The following SETBP1 variants were observed in gnomAD, a reference collection of about 807,000 sequenced individuals.
SETBP1 encodes SET binding protein 1, also known as SET-binding protein.
In SETBP1, 9 loss-of-function variants were observed where a neutral mutation model predicts 101.0. The observed-to-expected ratio is 0.09, with a 90% CI of 0.05 to 0.16. The LOEUF is 0.16. Ranked by LOEUF, SETBP1 falls within the 10% of genes least tolerant of loss-of-function variation. SETBP1 has a pLI of 1.00. For missense variants in SETBP1, 1,858 were observed against 2,033.8 expected (o/e 0.91, Z 1.66); for synonymous variants, 818 against 788.5 (o/e 1.04, Z -0.63).
At chr18:44,798,989 T>G (rs1424187060) in intron 2 of SETBP1, among the ~76,000 whole-genome samples, 3 of 152,216 alleles carry the variant, frequency 2.0e-5, no homozygotes, top group African/African-American at 7.2e-5. Flanking sequence ...TTCCATCCTT[T>G]GGTTCCTCAG....
rs1469002260 is a variant in SETBP1 at position 45,019,800 on chromosome 18, T to A, written c.4001-18685T>A. Among the ~76,000 whole-genome samples the A allele has an allele frequency of 2.6e-5, 4 of 152,192 alleles. No individual in the cohort carries two copies. The East Asian group carries it at 5.8e-4, about 22-fold the overall frequency. The stretch of plus-strand genomic sequence containing the variant: ...CCATTTGTTGACAAGAATTTTTTTT[T>A]ATACCTTTACCTAAAGGACATGCAT... On this transcript the variant is annotated intron_variant, in intron 4 of 5. Transcript: ENST00000649279.
At chr18:44,933,764 A>T (rs2070892420) in intron 3 of SETBP1, among the ~76,000 whole-genome samples, 1 of 152,118 alleles carries the variant, frequency 6.6e-6, no homozygotes, top group South Asian at 2.1e-4. Flanking sequence ...ACGGGATATA[A>T]TCTCCTGGTG....
In SETBP1 at chr18:44,953,246, C is replaced by T. The variant is rs1277048360; in HGVS notation, c.3906C>T (p.Ser1302=). The part of the protein sequence containing the change: ...DSDVSGSKRR[S]YEGFGTYREK... ...ACGTGAGTGGGAGTAAAAGGAGGAG[C>T]TATGAAGGCTTTGGAACGTACAGGG... is the stretch of plus-strand genomic sequence containing the variant. The change falls in exon 4 of 6, where the codon AGC becomes AGT. Residue 1302 remains serine (S), a synonymous_variant. Transcript: ENST00000649279. The T allele has an allele frequency of 1.2e-6, 2 of 1,614,054 alleles. No homozygotes were observed. Among genetic ancestry groups the T allele is most frequent in the Non-Finnish European group, 1.7e-6 (2 of 1,180,014 alleles).
chr18:44,822,516 C>A (rs2072133296), intron 2 of SETBP1, among the ~76,000 whole-genome samples: 1 of 152,144 alleles, frequency 6.6e-6, no homozygotes, highest in Admixed American at 6.5e-5. Flanking sequence ...CTGTTCATCC[C>A]AAAATTTCCT....
intron 2 of SETBP1, among the ~76,000 whole-genome samples, chr18:44,848,021 A>G (rs2072757888): frequency 6.6e-6 from 1 of 152,078 alleles, no homozygotes; most frequent in Non-Finnish European, 1.5e-5. Context: ...GAAATGCTTC[A>G]GGGCCAGACC....
intron 2 of SETBP1, among the ~76,000 whole-genome samples, chr18:44,707,467 A>T (rs17709496): frequency 6.6e-6 from 1 of 152,022 alleles, no homozygotes; most frequent in African/African-American, 2.4e-5. Flanking sequence ...CTATTGGGAG[A>T]TCTTATTTCC....
chr18:44,904,803 G>C (rs2070134729), intron 3 of SETBP1, among the ~76,000 whole-genome samples: 1 of 152,094 alleles, frequency 6.6e-6, no homozygotes. Context: ...TTATCTTCTT[G>C]CATCAAGTTG....
intron 3 of SETBP1, among the ~76,000 whole-genome samples, chr18:44,930,953 A>G (rs1419401689): frequency 5.4e-5 from 8 of 149,244 alleles, no homozygotes; most frequent in Admixed American, 4.0e-4. Flanking sequence ...TTCTGCTCTG[A>G]TCTTAGTTAT....
At position 44,701,801 on chromosome 18, in the gene SETBP1, A is replaced by T; in HGVS notation, c.455A>T (p.Lys152Met). The T allele has an allele frequency of 6.2e-7, 1 of 1,612,196 alleles. No individual in the cohort carries two copies. Among genetic ancestry groups the T allele is most frequent in the Non-Finnish European group, 8.5e-7 (1 of 1,179,206 alleles). The change falls in exon 2 of 6, where the codon AAG becomes ATG. Residue 152 changes from lysine to methionine, a missense_variant. Lys to Met is a moderately conservative substitution (Grantham distance 95). Coordinates refer to ENST00000649279, the MANE Select transcript of SETBP1 (RefSeq NM_015559.3). ...GCTGGAAAAAATAGCAAAGCCACGA[A>T]GGAGGAAGAAAGAAGCCACTCCAAA... ...SRAGKNSKAT[K>M]EEERSHSKKK...
At chr18:44,884,826 G>A (rs992707986) in intron 3 of SETBP1, among the ~76,000 whole-genome samples, 1 of 151,838 alleles carries the variant, frequency 6.6e-6, no homozygotes, top group Non-Finnish European at 1.5e-5. Context: ...TGGGTAACTG[G>A]GTCTCTCAGT....
At chr18:44,773,615 C>G (rs1257017783) in intron 2 of SETBP1, among the ~76,000 whole-genome samples, 2 of 152,112 alleles carry the variant, frequency 1.3e-5, no homozygotes. Context: ...TATTAGAGTT[C>G]CACTCTTTAA....
intron 2 of SETBP1, among the ~76,000 whole-genome samples, chr18:44,857,107 G>C (rs913607671): frequency 2.0e-5 from 3 of 152,190 alleles, no homozygotes; most frequent in Non-Finnish European, 2.9e-5. Flanking sequence ...CGAATACTGG[G>C]TTCTTTATTA....
chr18:44,994,901 A>G (rs1317251362), intron 4 of SETBP1, among the ~76,000 whole-genome samples: 1 of 152,210 alleles, frequency 6.6e-6, no homozygotes, highest in Non-Finnish European at 1.5e-5. Context: ...TATATTGCAC[A>G]AGGATTTCCA....
Position 45,067,273 on chromosome 18 carries a change from A to C in SETBP1, c.*3575A>C, listed in dbSNP as rs2073980894. ...TAGTATAAGGTGATGTACTACATGC[A>C]GATCATAAAGGCTTTGGTTTTAAGA... On this transcript the variant is annotated 3_prime_UTR_variant, in exon 6 of 6. Coordinates refer to ENST00000649279, the MANE Select transcript of SETBP1 (RefSeq NM_015559.3). 1 of 152,280 alleles carries C rather than the reference A, an allele frequency of 6.6e-6. No homozygotes were observed. Among genetic ancestry groups the C allele is most frequent in the Admixed American group, 6.5e-5 (1 of 15,292 alleles). The allele number at this position is 152,280 out of a possible 1,614,324, so 9.4% of individuals were successfully genotyped here.
intron 4 of SETBP1, among the ~76,000 whole-genome samples, chr18:45,018,377 G>C (rs1481458609): frequency 1.3e-5 from 2 of 152,124 alleles, no homozygotes; most frequent in Non-Finnish European, 1.5e-5. Flanking sequence ...TGTATGTGTT[G>C]AGCTGTTCTT....
chr18:44,787,877 A>AAAAAAAAAAG (rs2071277155), intron 2 of SETBP1, among the ~76,000 whole-genome samples: 5 of 130,336 alleles, frequency 3.8e-5, no homozygotes, highest in Admixed American at 2.3e-4. Context: ...AAAAAAAAAA[A>AAAAAAAAAAG]AAAGAAAATT....
At chr18:44,875,549 AAAG>A (rs1344086950) in intron 3 of SETBP1, among the ~76,000 whole-genome samples, 3 of 151,376 alleles carry the variant, frequency 2.0e-5, no homozygotes, top group Non-Finnish European at 2.9e-5. Context: ...AAAAAAAAAA[AAAG>A]AAGGAGTGAA....
rs1420134308 is a variant in SETBP1 at position 44,680,969 on chromosome 18, A to AAC, written c.-224_-223dup. 4.6e-5 allele frequency: 7 copies of AAC among 152,128 alleles called. No individual in the cohort carries two copies. Among genetic ancestry groups the AAC allele is most frequent in the Non-Finnish European group, 8.8e-5 (6 of 68,074 alleles). The allele number at this position is 152,128 out of a possible 1,614,324, so 9.4% of individuals were successfully genotyped here. Reference sequence around the variant, plus strand: ...TTGGGGGGGGAATGTATCAGAATCTAACGTGTCGTTAATAGAAAGAAGAAC... The same window carrying AAC: ...TTGGGGGGGGAATGTATCAGAATCTAACACGTGTCGTTAATAGAAAGAAGAAC... On this transcript the variant is annotated 5_prime_UTR_variant, in exon 1 of 6. An upstream open reading frame in the 5' UTR loses its in-frame stop. Coordinates refer to ENST00000649279, the MANE Select transcript of SETBP1 (RefSeq NM_015559.3).
At chr18:44,848,241 G>GC (rs1449001640) in intron 2 of SETBP1, among the ~76,000 whole-genome samples, 50 of 152,290 alleles carry the variant, frequency 3.3e-4, no homozygotes, top group Admixed American at 2.3e-3. Flanking sequence ...GATGAGGTAA[G>GC]CAAGGCTTAG....
Sources: gnomAD v4.1 joint callset for allele counts (sites outside exome capture counted in the v4.1 genomes callset) on GRCh38, gnomAD v4.1.1 for gene constraint, MANE v1.5 for transcripts, NCBI Gene and HGNC (gene_info 2026-07-23, HGNC 2026-07-21) for gene names.